The following ITGBL1 variants were observed in gnomAD, a reference collection of about 807,000 sequenced individuals.
ITGBL1 encodes the protein integrin subunit beta like 1, also known as integrin beta-like protein 1.
Under a neutral mutation model 68.5 loss-of-function variants are expected in ITGBL1, and 51 were observed. That is an observed-to-expected ratio of 0.74 (90% CI 0.59 to 0.94). The LOEUF is 0.94. ITGBL1 is among the 40% of genes least tolerant of loss of function. ITGBL1 has a pLI of 0.00. For synonymous variants in ITGBL1, 209 were observed against 227.3 expected (o/e 0.92, Z 0.72); for missense variants, 649 against 647.4 (o/e 1.00, Z -0.03).
chr13:101,682,010 A>C (rs1392624222), intron 7 of ITGBL1, among the ~76,000 whole-genome samples: 1 of 152,224 alleles, frequency 6.6e-6, no homozygotes, highest in Admixed American at 6.5e-5. Context: ...CTCTACCAGA[A>C]GTTGACAACT....
intron 2 of ITGBL1, among the ~76,000 whole-genome samples, chr13:101,534,710 G>C (rs2049541640): frequency 6.6e-6 from 1 of 152,130 alleles, no homozygotes; most frequent in African/African-American, 2.4e-5. Context: ...GTTCATAAAG[G>C]TCAAAAAGTT....
rs1304082950 is a variant in ITGBL1, at chr13:101,457,298, T to C, written c.316+3198T>C. 2.6e-5 allele frequency among the ~76,000 whole-genome samples: 4 copies of C among 152,198 alleles called. No homozygotes were observed. The South Asian group carries it at 6.2e-4, about 24-fold the overall frequency. Reference sequence around the variant, plus strand: ...AGTGAGAGCAATTTACTTCTCTTCATGTAGTCTGGGTCTGTTACTGATTCA... The same window carrying C: ...AGTGAGAGCAATTTACTTCTCTTCACGTAGTCTGGGTCTGTTACTGATTCA... On this transcript the variant is annotated intron_variant, in intron 2 of 10. Transcript: ENST00000376180.
chr13:101,642,803 C>G (rs1435878881), intron 7 of ITGBL1, among the ~76,000 whole-genome samples: 5 of 151,886 alleles, frequency 3.3e-5, no homozygotes, highest in Admixed American at 6.6e-5. Context: ...TTTCCCAGCA[C>G]CATTTATTAA....
chr13:101,676,028 G>A (rs556040628), intron 7 of ITGBL1, among the ~76,000 whole-genome samples: 1 of 152,154 alleles, frequency 6.6e-6, no homozygotes, highest in South Asian at 2.1e-4. Context: ...TGTCTAGTGA[G>A]TTTCTCCACA....
At chr13:101,644,207 G>T (rs888558581) in intron 7 of ITGBL1, among the ~76,000 whole-genome samples, 1 of 152,114 alleles carries the variant, frequency 6.6e-6, no homozygotes, top group Non-Finnish European at 1.5e-5. Context: ...CACTGACTCT[G>T]CACCTTCAAT....
chr13:101,570,625 G>C (rs1002189833), intron 3 of ITGBL1, among the ~76,000 whole-genome samples: 1 of 152,128 alleles, frequency 6.6e-6, no homozygotes, highest in Non-Finnish European at 1.5e-5. Flanking sequence ...AAGTGATTCA[G>C]GTGCTTCATT....
intron 2 of ITGBL1, among the ~76,000 whole-genome samples, chr13:101,537,511 A>T (rs930656099): frequency 1.5e-4 from 23 of 152,138 alleles, no homozygotes; most frequent in African/African-American, 5.5e-4. Context: ...GAAAAGGTCA[A>T]ATTAAAATGA....
intron 2 of ITGBL1, among the ~76,000 whole-genome samples, chr13:101,480,957 G>T (rs1280106338): frequency 6.6e-6 from 1 of 151,664 alleles, no homozygotes; most frequent in African/African-American, 2.4e-5. Flanking sequence ...AACCTTCAGA[G>T]ATCAATAGGA....
chr13:101,682,331 G>T (rs986722770), intron 7 of ITGBL1, among the ~76,000 whole-genome samples: 2 of 152,054 alleles, frequency 1.3e-5, no homozygotes, highest in South Asian at 2.1e-4. Flanking sequence ...ATAAGTAAAA[G>T]AAAAGTTCGA....
intron 2 of ITGBL1, among the ~76,000 whole-genome samples, chr13:101,532,755 A>G (rs1254293307): frequency 6.6e-6 from 1 of 152,192 alleles, no homozygotes; most frequent in Non-Finnish European, 1.5e-5. Context: ...AACAACTCTA[A>G]ATAATAGCAT....
At chr13:101,672,066 C>A (rs556620239) in intron 7 of ITGBL1, among the ~76,000 whole-genome samples, 1 of 152,252 alleles carries the variant, frequency 6.6e-6, no homozygotes, top group East Asian at 1.9e-4. Flanking sequence ...ACTATTCTTG[C>A]TACATTTATG....
intron 5 of ITGBL1, among the ~76,000 whole-genome samples, chr13:101,582,459 A>C (rs112596371): frequency 6.6e-6 from 1 of 152,190 alleles, no homozygotes; most frequent in African/African-American, 2.4e-5. Context: ...TGGTTGCCCT[A>C]AAGACAGTTA....
intron 6 of ITGBL1, among the ~76,000 whole-genome samples, chr13:101,585,706 A>C (rs924474768): frequency 7.9e-5 from 12 of 152,160 alleles, no homozygotes; most frequent in African/African-American, 2.9e-4. Flanking sequence ...CTGGGATTAC[A>C]GGTGTGAGCC....
intron 2 of ITGBL1, among the ~76,000 whole-genome samples, chr13:101,471,603 G>T (rs1381040176): frequency 6.6e-6 from 1 of 151,524 alleles, no homozygotes; most frequent in Non-Finnish European, 1.5e-5. Flanking sequence ...GTGCAAATGA[G>T]CTACAACTCA....
At chr13:101,608,757 C>T (rs2030990534) in intron 7 of ITGBL1, among the ~76,000 whole-genome samples, 1 of 151,954 alleles carries the variant, frequency 6.6e-6, no homozygotes, top group Admixed American at 6.6e-5. Flanking sequence ...TGCTAGAGGA[C>T]CCTGGAATAG....
intron 2 of ITGBL1, among the ~76,000 whole-genome samples, chr13:101,485,522 A>G (rs1049057095): frequency 2.6e-5 from 4 of 152,194 alleles, no homozygotes; most frequent in Non-Finnish European, 1.5e-5. Context: ...GGCCGTAATT[A>G]GGCCAGGTGC....
chr13:101,583,410 T>C, intron 6 of ITGBL1, 54 bp downstream of exon 6: 2 of 1,324,046 alleles, frequency 1.5e-6, no homozygotes, highest in Non-Finnish European at 9.8e-7. Flanking sequence ...GGCTTGTTAA[T>C]GGGTAAAAAA....
chr13:101,582,369 A>T (rs1289241033), intron 5 of ITGBL1, among the ~76,000 whole-genome samples: 1 of 152,156 alleles, frequency 6.6e-6, no homozygotes, highest in Non-Finnish European at 1.5e-5. Context: ...GTACGTTTAA[A>T]TCTTTAATCC....
At chr13:101,503,765 G>T (rs1177765592) in intron 2 of ITGBL1, among the ~76,000 whole-genome samples, 1 of 152,172 alleles carries the variant, frequency 6.6e-6, no homozygotes, top group Non-Finnish European at 1.5e-5. Flanking sequence ...GTGATGAATG[G>T]TAGACTTGAG....
Sources: allele counts gnomAD v4.1 joint callset (sites outside exome capture counted in the v4.1 genomes callset), GRCh38; gene constraint gnomAD v4.1.1; transcripts MANE v1.5; gene names NCBI Gene and HGNC (gene_info 2026-07-23, HGNC 2026-07-21).